Variants in ABCG2 observed in about 807,000 individuals in gnomAD.
ABCG2 encodes ATP binding cassette subfamily G member 2 (JR blood group).
In ABCG2, 80 loss-of-function variants were observed where a neutral mutation model predicts 73.5. That is an observed-to-expected ratio of 1.09 (90% CI 0.91 to 1.31). The LOEUF (loss-of-function observed/expected upper bound fraction) is 1.31, where lower values mean the gene tolerates loss of function less well. Among genes scored for constraint, ABCG2 ranks in the 50% most tolerant of loss-of-function variants. The pLI is 0.00. For missense variants in ABCG2, 796 were observed against 786.2 expected (o/e 1.01, Z -0.15); for synonymous variants, 269 against 282.4 (o/e 0.95, Z 0.48).
chr4:88,177,446 T>C (rs189304724), intron 1 of ABCG2, among the ~76,000 whole-genome samples: 1 of 151,982 alleles, frequency 6.6e-6, no homozygotes, highest in Non-Finnish European at 1.5e-5. Flanking sequence ...TAGAACATAA[T>C]TGAAATATTA....
chr4:88,097,037 T>C (rs1722029427), intron 13 of ABCG2, among the ~76,000 whole-genome samples: 1 of 151,746 alleles, frequency 6.6e-6, no homozygotes, highest in South Asian at 2.1e-4. Context: ...AAAACATAAA[T>C]TAAAAATGTT....
chr4:88,116,509 G>A (rs1723586929), intron 7 of ABCG2, among the ~76,000 whole-genome samples: 1 of 150,962 alleles, frequency 6.6e-6, no homozygotes, highest in African/African-American at 2.5e-5. Flanking sequence ...GACCGCACAA[G>A]CCATTAAAAA....
At chr4:88,203,679 A>C (rs1028110793) in intron 1 of ABCG2, among the ~76,000 whole-genome samples, 2 of 150,774 alleles carry the variant, frequency 1.3e-5, no homozygotes, top group African/African-American at 4.9e-5. Flanking sequence ...GCTTGAACCC[A>C]GGAGGCAGAG....
rs776967454 is a variant in ABCG2 at position 88,131,789 on chromosome 4, C to T, written c.378+14G>A. On this transcript the variant is annotated intron_variant, in intron 4 of 15. Coordinates refer to ENST00000237612, the MANE Select transcript of ABCG2 (RefSeq NM_004827.3). Reference sequence around the variant, plus strand: ...AACAGAGGAAACAGAAAATGCAAACCCACTAATACTTACTTGTACCACGTA... The same window carrying T: ...AACAGAGGAAACAGAAAATGCAAACTCACTAATACTTACTTGTACCACGTA... The T allele has an allele frequency of 4.9e-5, 78 of 1,598,780 alleles. No individual in the cohort carries two copies. Among genetic ancestry groups the T allele is most frequent in the Non-Finnish European group, 6.6e-5 (77 of 1,168,428 alleles).
intron 1 of ABCG2, among the ~76,000 whole-genome samples, chr4:88,153,114 A>G (rs756867253): frequency 1.1e-4 from 17 of 152,348 alleles, no homozygotes; most frequent in African/African-American, 2.2e-4. Context: ...TAGCCCTGCC[A>G]GCAAAGATGA....
At chr4:88,138,054 G>T (rs1424990103) in intron 2 of ABCG2, among the ~76,000 whole-genome samples, 1 of 152,144 alleles carries the variant, frequency 6.6e-6, no homozygotes, top group East Asian at 1.9e-4. Flanking sequence ...GCTGAGGCGG[G>T]AGAATCACTT....
intron 1 of ABCG2, among the ~76,000 whole-genome samples, chr4:88,224,591 A>G (rs1730134455): frequency 6.6e-6 from 1 of 152,054 alleles, no homozygotes; most frequent in African/African-American, 2.4e-5. Context: ...TCCTGGGCTC[A>G]AGCAATCCTC....
In ABCG2 at chr4:88,091,926, C is replaced by T. The variant is rs941463222; in HGVS notation, c.*308G>A. On this transcript the variant is annotated 3_prime_UTR_variant, in exon 16 of 16. Coordinates refer to ENST00000237612, the MANE Select transcript of ABCG2 (RefSeq NM_004827.3). ...AAGATGAGGAAACAAATGCCAGAGA[C>T]AGTAATAACTTGTCAGGAGTTTCCA... The T allele has an allele frequency of 8.8e-6, 2 of 227,270 alleles. No individual in the cohort carries two copies. Among genetic ancestry groups the T allele is most frequent in the Non-Finnish European group, 1.7e-5 (2 of 115,674 alleles). 14.1% of individuals were successfully genotyped at this position (227,270 alleles called of 1,614,324 possible).
chr4:88,203,419 T>C (rs1389192608), intron 1 of ABCG2, among the ~76,000 whole-genome samples: 1 of 151,996 alleles, frequency 6.6e-6, no homozygotes, highest in Non-Finnish European at 1.5e-5. Flanking sequence ...TTCAAAGAGG[T>C]TTAATTAGAA....
intron 1 of ABCG2, among the ~76,000 whole-genome samples, chr4:88,148,993 T>A (rs1034364932): frequency 1.3e-5 from 2 of 152,228 alleles, no homozygotes; most frequent in East Asian, 1.9e-4. Context: ...ACAAGGCTAC[T>A]GTTTTTTCAT....
intron 1 of ABCG2, among the ~76,000 whole-genome samples, chr4:88,189,375 A>G (rs923656094): frequency 4.6e-5 from 7 of 151,870 alleles, no homozygotes; most frequent in African/African-American, 1.7e-4. Context: ...TGAGCTGAGC[A>G]TGGTGGCACA....
At chr4:88,222,670 T>A (rs1730056408) in intron 1 of ABCG2, among the ~76,000 whole-genome samples, 1 of 152,200 alleles carries the variant, frequency 6.6e-6, no homozygotes, top group Non-Finnish European at 1.5e-5. Flanking sequence ...AATGGACTAA[T>A]ACAGGCAGCA....
At position 88,131,044 on chromosome 4, in the gene ABCG2, C is replaced by T. The variant is rs1724824750; in HGVS notation, c.531+17G>A. The T allele has an allele frequency of 1.2e-6, 2 of 1,613,306 alleles. No homozygotes were observed. On this transcript the variant is annotated intron_variant, in intron 5 of 15. Coordinates refer to ENST00000237612, the MANE Select transcript of ABCG2 (RefSeq NM_004827.3). ...CTACTTATGCTGATCATGATGCTTTCAGTTTTTCCACATTACCTTGGAGTC... is the reference window on the plus strand; with the variant it reads ...CTACTTATGCTGATCATGATGCTTTTAGTTTTTCCACATTACCTTGGAGTC...
chr4:88,182,310 T>G (rs1330890487), intron 1 of ABCG2, among the ~76,000 whole-genome samples: 1 of 152,176 alleles, frequency 6.6e-6, no homozygotes, highest in Non-Finnish European at 1.5e-5. Context: ...AGCTGGAGAC[T>G]TCAACACCCC....
chr4:88,123,967 T>C (rs966182386), intron 5 of ABCG2, among the ~76,000 whole-genome samples: 2 of 152,200 alleles, frequency 1.3e-5, no homozygotes, highest in African/African-American at 4.8e-5. Flanking sequence ...CAGATCTCTC[T>C]GCAGAAACCC....
chr4:88,198,028 CAAAAAAA>C (rs34030026), intron 1 of ABCG2, among the ~76,000 whole-genome samples: 3 of 115,638 alleles, frequency 2.6e-5, no homozygotes, highest in Admixed American at 9.4e-5. Context: ...AGACTGTCTC[CAAAAAAA>C]AAAAAAAAAA....
intron 1 of ABCG2, among the ~76,000 whole-genome samples, chr4:88,182,183 A>G (rs1269402121): frequency 6.6e-6 from 1 of 152,154 alleles, no homozygotes; most frequent in Non-Finnish European, 1.5e-5. Context: ...TAAAGGGGTC[A>G]ATTCAGCAAG....
At chr4:88,132,164 T>C (rs376761405) in intron 3 of ABCG2, among the ~76,000 whole-genome samples, 9 of 152,332 alleles carry the variant, frequency 5.9e-5, no homozygotes, top group East Asian at 1.9e-4. Flanking sequence ...CAAGACACCA[T>C]TGGCTGATCA....
intron 1 of ABCG2, among the ~76,000 whole-genome samples, chr4:88,206,906 C>T (rs1268126784): frequency 6.6e-6 from 1 of 152,112 alleles, no homozygotes; most frequent in Non-Finnish European, 1.5e-5. Flanking sequence ...TCCCCAAGTC[C>T]CCACCCGACC....
Sources: gnomAD v4.1 joint callset for allele counts (sites outside exome capture counted in the v4.1 genomes callset) on GRCh38, gnomAD v4.1.1 for gene constraint, MANE v1.5 for transcripts, NCBI Gene and HGNC (gene_info 2026-07-23, HGNC 2026-07-21) for gene names.